The following KCNMB2 variants were observed in gnomAD, a reference collection of about 807,000 sequenced individuals.
KCNMB2 encodes potassium calcium-activated channel subfamily M regulatory beta subunit 2, also known as calcium-activated potassium channel subunit beta-2.
Under a neutral mutation model 24.5 loss-of-function variants are expected in KCNMB2, and 9 were observed. The observed-to-expected ratio is 0.37, with a 90% CI of 0.22 to 0.64. The LOEUF (loss-of-function observed/expected upper bound fraction) is 0.64. KCNMB2 is among the 30% of genes least tolerant of loss of function. The pLI is 0.63. For synonymous variants in KCNMB2, 109 were observed against 104.4 expected (o/e 1.04, Z -0.27); for missense variants, 226 against 284.3 (o/e 0.79, Z 1.47).
chr3:178,670,792 G>C (rs1218911685), intron 1 of KCNMB2, among the ~76,000 whole-genome samples: 1 of 152,122 alleles, frequency 6.6e-6, no homozygotes, highest in Non-Finnish European at 1.5e-5. Flanking sequence ...TACAGAGGAA[G>C]CTGAAGCCGG....
intron 1 of KCNMB2, among the ~76,000 whole-genome samples, chr3:178,574,304 C>T (rs1412496163): frequency 1.3e-5 from 2 of 152,312 alleles, no homozygotes; most frequent in Non-Finnish European, 2.9e-5. Flanking sequence ...GGCTGTGACT[C>T]TTCACGCTCT....
intron 1 of KCNMB2, among the ~76,000 whole-genome samples, chr3:178,546,364 CT>C (rs1715772440): frequency 6.6e-6 from 1 of 152,102 alleles, no homozygotes; most frequent in South Asian, 2.1e-4. Context: ...AGAAAGCTAT[CT>C]TTTTTCATAT....
intron 1 of KCNMB2, among the ~76,000 whole-genome samples, chr3:178,658,099 G>T (rs367827895): frequency 1.3e-5 from 2 of 152,120 alleles, no homozygotes; most frequent in South Asian, 4.1e-4. Context: ...TCTTGGTATT[G>T]GCACTTTAGA....
intron 2 of KCNMB2, among the ~76,000 whole-genome samples, chr3:178,819,880 GA>G (rs1260395846): frequency 6.6e-6 from 1 of 151,910 alleles, no homozygotes; most frequent in Non-Finnish European, 1.5e-5. Flanking sequence ...TTGTTAGAAG[GA>G]TATATTCACA....
At position 178,706,883 on chromosome 3, in the gene KCNMB2, C is replaced by T. The variant is rs1488136567; in HGVS notation, c.-67-100460C>T. ...CAAAACGCAGCCATCAGAGGACTCACAGAAAGAATACAAATACCTAATGTG... is the reference window on the plus strand; with the variant it reads ...CAAAACGCAGCCATCAGAGGACTCATAGAAAGAATACAAATACCTAATGTG... On this transcript the variant is annotated intron_variant, in intron 1 of 4. Transcript: ENST00000452583. Among the ~76,000 whole-genome samples, 5 of 152,114 alleles carry T rather than the reference C, an allele frequency of 3.3e-5. No homozygotes were observed. In the East Asian group the frequency reaches 7.7e-4, roughly 23 times the overall value.
chr3:178,588,887 A>G (rs998318768), intron 1 of KCNMB2, among the ~76,000 whole-genome samples: 6 of 152,184 alleles, frequency 3.9e-5, no homozygotes, highest in African/African-American at 1.4e-4. Flanking sequence ...TTATGAGATA[A>G]TGGATATGAA....
chr3:178,637,379 GT>G (rs1029887457), intron 1 of KCNMB2, among the ~76,000 whole-genome samples: 1 of 152,072 alleles, frequency 6.6e-6, no homozygotes, highest in African/African-American at 2.4e-5. Flanking sequence ...AACTATCTTT[GT>G]TTCCTATTTT....
intron 1 of KCNMB2, among the ~76,000 whole-genome samples, chr3:178,794,400 C>CT (rs1365832205): frequency 7.5e-6 from 1 of 133,088 alleles, no homozygotes; most frequent in Non-Finnish European, 1.6e-5. Context: ...CAAGCACCAT[C>CT]TAAAAAAAAA....
rs1714005263 is a variant in KCNMB2, at chr3:178,807,228, A to G, written c.-67-115A>G. 10 of 498,498 alleles carry G rather than the reference A, an allele frequency of 2.0e-5. No homozygotes were observed. The South Asian group carries it at 3.3e-4, about 17-fold the overall frequency. The allele number at this position is 498,498 out of a possible 1,614,324, so 30.9% of individuals were successfully genotyped here. ...TTAAAAATTCCCAGTCAATTTTAAT[A>G]TGCAGCCGGGATTGAAAACCACTGC... On this transcript the variant is annotated intron_variant, in intron 1 of 4. Transcript: ENST00000452583.
At chr3:178,812,359 G>T (rs1296334640) in intron 2 of KCNMB2, among the ~76,000 whole-genome samples, 1 of 150,318 alleles carries the variant, frequency 6.7e-6, no homozygotes, top group African/African-American at 2.4e-5. Flanking sequence ...TTAGCATTAG[G>T]TATATCTCCT....
At chr3:178,696,771 T>A (rs1038194752) in intron 1 of KCNMB2, among the ~76,000 whole-genome samples, 3 of 152,226 alleles carry the variant, frequency 2.0e-5, no homozygotes, top group Non-Finnish European at 4.4e-5. Flanking sequence ...TCACCTTAGC[T>A]GTGTCCTGTA....
chr3:178,758,268 ATATATATATATATC>A, intron 1 of KCNMB2, among the ~76,000 whole-genome samples: 1 of 27,492 alleles, frequency 3.6e-5, no homozygotes. Flanking sequence ...CCAAGGGGAT[ATATATATATATATC>A]TCCAAGGGGA....
intron 1 of KCNMB2, among the ~76,000 whole-genome samples, chr3:178,759,465 G>A (rs1478592574): frequency 6.0e-5 from 3 of 49,726 alleles, no homozygotes; most frequent in African/African-American, 1.2e-4. Context: ...ATATCTCCAA[G>A]AGGATATATA....
At chr3:178,624,244 A>ATTTTTTTTTTT (rs35333167) in intron 1 of KCNMB2, among the ~76,000 whole-genome samples, 1 of 144,226 alleles carries the variant, frequency 6.9e-6, no homozygotes, top group Non-Finnish European at 1.5e-5. Flanking sequence ...TTACTGGGTA[A>ATTTTTTTTTTT]TTTTTTTTTT....
intron 1 of KCNMB2, among the ~76,000 whole-genome samples, chr3:178,737,522 G>A (rs893505930): frequency 2.0e-5 from 3 of 152,168 alleles, no homozygotes; most frequent in Non-Finnish European, 4.4e-5. Context: ...AAATGAGACT[G>A]AGGAATATCA....
intron 1 of KCNMB2, among the ~76,000 whole-genome samples, chr3:178,654,672 T>A (rs1015233319): frequency 2.6e-5 from 4 of 152,164 alleles, no homozygotes; most frequent in Non-Finnish European, 4.4e-5. Flanking sequence ...GATTTTTATG[T>A]GTTTGCTTTT....
chr3:178,566,378 C>T (rs1404659160), intron 1 of KCNMB2, among the ~76,000 whole-genome samples: 1 of 152,154 alleles, frequency 6.6e-6, no homozygotes, highest in Non-Finnish European at 1.5e-5. Context: ...GGTCTCAGCA[C>T]TTGAGTGGCA....
At chr3:178,661,115 C>T (rs1002838001) in intron 1 of KCNMB2, among the ~76,000 whole-genome samples, 22 of 152,118 alleles carry the variant, frequency 1.4e-4, no homozygotes, top group African/African-American at 3.9e-4. Context: ...TTAGGTATTT[C>T]TCCTAATGCT....
rs998128190 is a variant in KCNMB2, at chr3:178,718,688, C to G, written c.-67-88655C>G. On this transcript the variant is annotated intron_variant, in intron 1 of 4. Coordinates refer to ENST00000452583, the MANE Select transcript of KCNMB2 (RefSeq NM_181361.3). The stretch of plus-strand genomic sequence containing the variant: ...GACCATGTGTTGAGTCGGGATAGAG[C>G]TGGGGTTTAGACAAATTCCCAGTTT... 2.6e-5 allele frequency among the ~76,000 whole-genome samples: 4 copies of G among 152,310 alleles called. No homozygotes were observed. The South Asian group carries it at 8.3e-4, about 32-fold the overall frequency.
Sources: allele counts gnomAD v4.1 joint callset (sites outside exome capture counted in the v4.1 genomes callset), GRCh38; gene constraint gnomAD v4.1.1; transcripts MANE v1.5; gene names NCBI Gene and HGNC (gene_info 2026-07-23, HGNC 2026-07-21).